Variants in OSMR observed in about 807,000 individuals in gnomAD.
OSMR encodes the protein oncostatin M receptor.
A neutral mutation model predicts 99.9 loss-of-function variants in OSMR; 81 were observed. That is an observed-to-expected ratio of 0.81 (90% CI 0.68 to 0.97). OSMR has a LOEUF of 0.97. Ranked by LOEUF, OSMR falls within the 50% of genes least tolerant of loss-of-function variation. The pLI is 0.00. For missense variants in OSMR, 1,099 were observed against 1,153.4 expected (o/e 0.95, Z 0.68); for synonymous variants, 406 against 410.4 (o/e 0.99, Z 0.13).
intron 1 of OSMR, among the ~76,000 whole-genome samples, chr5:38,857,051 T>A (rs1740911485): frequency 6.6e-6 from 1 of 152,250 alleles, no homozygotes; most frequent in African/African-American, 2.4e-5. Context: ...TTGACAGCTT[T>A]TATTCTCTAA....
intron 7 of OSMR, among the ~76,000 whole-genome samples, chr5:38,900,233 G>A (rs567314491): frequency 1.2e-4 from 18 of 152,176 alleles, no homozygotes; most frequent in East Asian, 7.7e-4. Flanking sequence ...CTCAATCACC[G>A]TGCTCTCCCT....
At chr5:38,854,929 T>G (rs1740722690) in intron 1 of OSMR, among the ~76,000 whole-genome samples, 1 of 152,186 alleles carries the variant, frequency 6.6e-6, no homozygotes, top group African/African-American at 2.4e-5. Context: ...TCACTGGAAG[T>G]TGGAAGTAGC....
rs1361064771 is a variant in OSMR at position 38,846,253 on chromosome 5, C to T, written c.-148C>T. On this transcript the variant is annotated 5_prime_UTR_variant, in exon 1 of 18. Transcript: ENST00000274276. ...GAATCCGACAACTTCGCAGCCCATC[C>T]CGGCTGGACGCGACCGGGAGTGCAG... The T allele has an allele frequency of 6.6e-6, 1 of 152,278 alleles. No individual in the cohort carries two copies. Among genetic ancestry groups the T allele is most frequent in the Non-Finnish European group, 1.5e-5 (1 of 68,082 alleles). The allele number at this position is 152,278 out of a possible 1,614,324, so 9.4% of individuals were successfully genotyped here.
downstream of OSMR, chr5:38,938,034 T>G (rs1747158025): frequency 4.9e-6 from 1 of 202,422 alleles, no homozygotes; most frequent in Admixed American, 6.0e-5. Flanking sequence ...AACAAGAAAA[T>G]CACAACAAAA....
intron 8 of OSMR, 132 bp downstream of exon 8, chr5:38,904,156 G>A (rs535329621): frequency 1.3e-6 from 2 of 1,530,740 alleles, no homozygotes; most frequent in East Asian, 2.4e-5. Flanking sequence ...TGTTTTAAAA[G>A]GTCCATGAAA....
Position 38,935,142 on chromosome 5 carries a change from T to A in OSMR, c.*1698T>A, listed in dbSNP as rs1051942. On this transcript the variant is annotated 3_prime_UTR_variant, in exon 18 of 18. Coordinates refer to ENST00000274276, the MANE Select transcript of OSMR (RefSeq NM_003999.3). ...GAGCCACTGCGCCTAGCCGTCACATTTCTAAACAAGCATGAAAGGGGTTCA... is the reference window on the plus strand; with the variant it reads ...GAGCCACTGCGCCTAGCCGTCACATATCTAAACAAGCATGAAAGGGGTTCA... 0.16 allele frequency: 24,431 copies of A among 152,300 alleles called. 2,103 individuals are homozygous for A. The highest frequency in any genetic ancestry group is 0.22 in the Middle Eastern group (65 of 294). The allele number at this position is 152,300 out of a possible 1,614,324, so 9.4% of individuals were successfully genotyped here.
chr5:38,923,116 T>C (rs979396582), intron 12 of OSMR, 34 bp from the exon 13 acceptor site: 1 of 1,612,202 alleles, frequency 6.2e-7, no homozygotes, highest in African/African-American at 1.3e-5. Context: ...AACATCATTC[T>C]GTTATTAAAA....
chr5:38,903,176 A>C (rs1745005532), intron 7 of OSMR, among the ~76,000 whole-genome samples: 1 of 152,222 alleles, frequency 6.6e-6, no homozygotes, highest in Non-Finnish European at 1.5e-5. Context: ...AGTGAGACAG[A>C]ATACACTCAT....
At chr5:38,944,323 T>G in intron 2 of OSMR, 1 of 932,830 alleles carries the variant, frequency 1.1e-6, no homozygotes, top group Non-Finnish European at 1.7e-6. Context: ...CACACAGGTA[T>G]GCAATGCAGT....
At chr5:38,936,933 A>G (rs532566310), downstream of OSMR, among the ~76,000 whole-genome samples, 64 of 152,388 alleles carry the variant, frequency 4.2e-4, no homozygotes, top group Non-Finnish European at 4.7e-4. Context: ...TTTATATGCT[A>G]AAGTTTTAAA....
rs940872659 is a variant in OSMR, at chr5:38,935,459, A to G, written c.*2015A>G. ...GGGCCAGTATTGTCAGCATTTATTT[A>G]TTTATGTACCTTTGTTATGATGGGA... On this transcript the variant is annotated 3_prime_UTR_variant, in exon 18 of 18. Coordinates refer to ENST00000274276, the MANE Select transcript of OSMR (RefSeq NM_003999.3). The G allele has an allele frequency of 2.6e-5, 4 of 152,172 alleles. No homozygotes were observed. Among genetic ancestry groups the G allele is most frequent in the Non-Finnish European group, 5.9e-5 (4 of 68,028 alleles). 9.4% of individuals were successfully genotyped at this position (152,172 alleles called of 1,614,324 possible). A position where few individuals can be genotyped will look rare whatever the true frequency, so the allele number is the denominator to read the frequency against.
intron 1 of OSMR, among the ~76,000 whole-genome samples, chr5:38,852,809 C>T (rs1004324090): frequency 2.3e-4 from 30 of 132,448 alleles, no homozygotes; most frequent in African/African-American, 8.2e-4. Context: ...TGGCTCACTG[C>T]AAGCTCCGCC....
downstream of OSMR, chr5:38,938,131 A>C (rs1056663146): frequency 1.9e-5 from 4 of 213,072 alleles, no homozygotes; most frequent in African/African-American, 9.1e-5. Flanking sequence ...AAAAAATATA[A>C]ATACTTTTTC....
chr5:38,885,442 G>C lies in OSMR; in HGVS notation c.797G>C (p.Gly266Ala). Residue 266 changes from glycine to alanine, a missense_variant, in exon 6 of 18, where the codon GGG becomes GCG. Gly to Ala is a moderately conservative substitution (Grantham distance 60). Transcript: ENST00000274276. ...TWDPGTDTALGWSKQPSQSYT... is the reference protein window; with the variant it reads ...TWDPGTDTALAWSKQPSQSYT... ...GATCCTGGGACGGACACTGCCTTGGGGTGGTCTAAACAACCTTCCCAAAGC... is the reference window on the plus strand; with the variant it reads ...GATCCTGGGACGGACACTGCCTTGGCGTGGTCTAAACAACCTTCCCAAAGC... 1.9e-6 allele frequency: 3 copies of C among 1,614,006 alleles called. No individual in the cohort carries two copies. Among genetic ancestry groups the C allele is most frequent in the South Asian group, 2.2e-5 (2 of 91,072 alleles).
At chr5:38,908,148 C>T (rs529391305) in intron 9 of OSMR, among the ~76,000 whole-genome samples, 5 of 152,258 alleles carry the variant, frequency 3.3e-5, no homozygotes, top group Non-Finnish European at 5.9e-5. Context: ...CAGACAACCA[C>T]GGCCCTGCCT....
intron 13 of OSMR, 134 bp from the exon 14 acceptor site, chr5:38,924,288 A>G: frequency 2.6e-6 from 4 of 1,527,428 alleles, no homozygotes; most frequent in Non-Finnish European, 3.5e-6. Flanking sequence ...CTAGAGAAAC[A>G]GATAAAACTC....
In OSMR at chr5:38,903,897, C is replaced by G. The variant is rs780186784; in HGVS notation, c.1007C>G (p.Pro336Arg). Residue 336 changes from proline (P) to arginine (R), a missense_variant, in exon 8 of 18, where the codon CCT becomes CGT. Physicochemically the swap from Pro to Arg is moderately radical, Grantham distance 103. Transcript: ENST00000274276. ...NLTHRVYLMN[P>R]FSVNFENVNA... Reference sequence around the variant, plus strand: ...TTTTTGACAGTTTATTTAATGAATCCTTTTAGTGTCAACTTTGAAAATGTA... The same window carrying G: ...TTTTTGACAGTTTATTTAATGAATCGTTTTAGTGTCAACTTTGAAAATGTA... 6.2e-7 allele frequency: 1 copy of G among 1,612,464 alleles called. No individual in the cohort carries two copies. The highest frequency in any genetic ancestry group is 8.5e-7 in the Non-Finnish European group (1 of 1,179,440).
chr5:38,931,325 TG>T (rs1746739629), intron 15 of OSMR, among the ~76,000 whole-genome samples: 1 of 152,188 alleles, frequency 6.6e-6, no homozygotes, highest in South Asian at 2.1e-4. Context: ...TGATCTAGAC[TG>T]GGGTAAGCTG....
rs1746881584 is a variant in OSMR at position 38,933,504 on chromosome 5, CCT to C, written c.*61_*62del. 1 of 1,583,520 alleles carries C rather than the reference CCT, an allele frequency of 6.3e-7. No individual in the cohort carries two copies. The highest frequency in any genetic ancestry group is 1.3e-5 in the African/African-American group (1 of 74,334). ...ACATTAAGAAGAGCAGAGCTGGCACCCTGTCATCACCAGTGGCCTTGGTCCTT... is the reference window on the plus strand; with the variant it reads ...ACATTAAGAAGAGCAGAGCTGGCACCGTCATCACCAGTGGCCTTGGTCCTT... On this transcript the variant is annotated 3_prime_UTR_variant, in exon 18 of 18. Transcript: ENST00000274276.
Sources: allele counts gnomAD v4.1 joint callset (sites outside exome capture counted in the v4.1 genomes callset), GRCh38; gene constraint gnomAD v4.1.1; transcripts MANE v1.5; gene names NCBI Gene and HGNC (gene_info 2026-07-23, HGNC 2026-07-21).